BMPER: variants seen among roughly 807,000 people sequenced by gnomAD.
BMPER encodes the protein BMP binding endothelial regulator.
Under a neutral mutation model 87.3 loss-of-function variants are expected in BMPER, and 45 were observed. That is an observed-to-expected ratio of 0.52 (90% CI 0.41 to 0.66). BMPER has a LOEUF of 0.66. Among genes scored for constraint, BMPER ranks in the 30% least tolerant of loss-of-function variants. The pLI, the probability that BMPER is intolerant of heterozygous loss-of-function variation, is 0.00. For missense variants in BMPER, 784 were observed against 867.5 expected, an observed-to-expected ratio of 0.90 and a Z score of 1.21; for synonymous variants, 326 against 316.2, an observed-to-expected ratio of 1.03 and a Z score of -0.33.
intron 6 of BMPER, among the ~76,000 whole-genome samples, chr7:34,026,939 T>C (rs1314747849): frequency 6.6e-6 from 1 of 152,128 alleles, no homozygotes; most frequent in African/African-American, 2.4e-5. Context: ...TGGGTGGCTA[T>C]TGACTTCCTC....
At chr7:33,905,438 T>TC, upstream of BMPER, 1 of 23,004 alleles carries the variant, frequency 4.3e-5, no homozygotes, top group Non-Finnish European at 8.2e-5. Context: ...CCTTGGTCTC[T>TC]CCCCCCGCCC....
intron 14 of BMPER, among the ~76,000 whole-genome samples, chr7:34,146,278 G>C (rs1791016939): frequency 6.6e-6 from 1 of 152,110 alleles, no homozygotes; most frequent in Non-Finnish European, 1.5e-5. Flanking sequence ...ATCTTCCAGA[G>C]CAAAAAGTCT....
intron 6 of BMPER, among the ~76,000 whole-genome samples, chr7:33,980,654 G>A (rs894496078): frequency 4.6e-5 from 7 of 152,144 alleles, no homozygotes; most frequent in Non-Finnish European, 8.8e-5. Flanking sequence ...AATTGCTTAC[G>A]GGAGGGAGTA....
chr7:34,009,988 C>A (rs982893451), intron 6 of BMPER, among the ~76,000 whole-genome samples: 1 of 151,854 alleles, frequency 6.6e-6, no homozygotes, highest in African/African-American at 2.4e-5. Flanking sequence ...ATGTTTTTCC[C>A]AGCTTCCTCC....
chr7:33,995,940 G>T (rs1006632730), intron 6 of BMPER, among the ~76,000 whole-genome samples: 1 of 152,158 alleles, frequency 6.6e-6, no homozygotes, highest in Non-Finnish European at 1.5e-5. Context: ...ATTCCATTCA[G>T]CTCTGCTCCT....
At chr7:33,972,554 T>C (rs1785575861) in intron 5 of BMPER, among the ~76,000 whole-genome samples, 1 of 152,070 alleles carries the variant, frequency 6.6e-6, no homozygotes, top group African/African-American at 2.4e-5. Flanking sequence ...AAGAAGAAAC[T>C]AGGCCCACCA....
At chr7:33,969,524 T>C (rs1005923610) in intron 4 of BMPER, among the ~76,000 whole-genome samples, 1 of 152,160 alleles carries the variant, frequency 6.6e-6, no homozygotes, top group Admixed American at 6.5e-5. Flanking sequence ...CTCAGCCTCC[T>C]GAGTAGCTGG....
At chr7:33,914,974 C>T (rs1034046325) in intron 2 of BMPER, among the ~76,000 whole-genome samples, 2 of 152,186 alleles carry the variant, frequency 1.3e-5, no homozygotes, top group South Asian at 4.1e-4. Flanking sequence ...CCCTTCCCCC[C>T]AGACCCTGCG....
chr7:34,113,507 G>T (rs1790034844), intron 13 of BMPER, among the ~76,000 whole-genome samples: 1 of 147,654 alleles, frequency 6.8e-6, no homozygotes, highest in African/African-American at 2.5e-5. Flanking sequence ...AATCTATCTG[G>T]AATTTATTTT....
At chr7:33,972,207 A>G (rs906827164) in intron 5 of BMPER, among the ~76,000 whole-genome samples, 1 of 152,136 alleles carries the variant, frequency 6.6e-6, no homozygotes, top group East Asian at 1.9e-4. Flanking sequence ...CCGGCCGACT[A>G]TGGCTTTATT....
intron 6 of BMPER, among the ~76,000 whole-genome samples, chr7:34,012,975 C>T (rs1026913251): frequency 5.3e-5 from 8 of 151,978 alleles, no homozygotes; most frequent in African/African-American, 1.9e-4. Flanking sequence ...TCTTTTGTGC[C>T]ATTGTTTTGG....
chr7:34,040,818 TAA>T (rs1787813600), intron 6 of BMPER, among the ~76,000 whole-genome samples: 1 of 151,772 alleles, frequency 6.6e-6, no homozygotes, highest in African/African-American at 2.4e-5. Context: ...GTTTAAAATG[TAA>T]AAGAGGGAGA....
In BMPER at chr7:33,995,519, A is replaced by G. The variant is rs116865888; in HGVS notation, c.576+20735A>G. ...CTTATATTTCTATGCTTGTTGTACA[A>G]TCTTATATTCCTAAGCTCAGAAATG... On this transcript the variant is annotated intron_variant, in intron 6 of 14. Transcript: ENST00000649409. Among the ~76,000 whole-genome samples the G allele has an allele frequency of 4.1e-3, 623 of 152,280 alleles. 2 individuals are homozygous for G. The highest frequency in any genetic ancestry group is 6.4e-3 in the Non-Finnish European group (434 of 68,028).
chr7:33,986,917 C>T (rs1257483377), intron 6 of BMPER, among the ~76,000 whole-genome samples: 2 of 152,074 alleles, frequency 1.3e-5, no homozygotes, highest in African/African-American at 4.8e-5. Flanking sequence ...TTTCCCTGCT[C>T]CTTTGTTTGT....
intron 11 of BMPER, among the ~76,000 whole-genome samples, chr7:34,077,646 T>C (rs965826920): frequency 1.5e-4 from 23 of 152,242 alleles, no homozygotes; most frequent in African/African-American, 5.5e-4. Flanking sequence ...TCATATGAAA[T>C]TGACATATAA....
At chr7:33,971,733 A>C (rs904370745) in intron 5 of BMPER, among the ~76,000 whole-genome samples, 4 of 152,252 alleles carry the variant, frequency 2.6e-5, no homozygotes, top group African/African-American at 9.6e-5. Flanking sequence ...GACCAATTCC[A>C]TCAGAATCTC....
chr7:33,939,754 G>A (rs1784706965), intron 3 of BMPER, among the ~76,000 whole-genome samples: 1 of 152,140 alleles, frequency 6.6e-6, no homozygotes, highest in Non-Finnish European at 1.5e-5. Flanking sequence ...TGCCATGATT[G>A]TAACTTTCCT....
intron 6 of BMPER, among the ~76,000 whole-genome samples, chr7:34,009,460 C>T (rs1786821424): frequency 2.0e-5 from 3 of 151,876 alleles, no homozygotes; most frequent in Admixed American, 2.0e-4. Context: ...TAAGGACCAC[C>T]TTGGCAGTTG....
At chr7:33,943,877 C>G (rs948727699) in intron 3 of BMPER, among the ~76,000 whole-genome samples, 1 of 152,166 alleles carries the variant, frequency 6.6e-6, no homozygotes, top group African/African-American at 2.4e-5. Flanking sequence ...GTTCCTCCCC[C>G]TTTTGGTGGT....
Sources: gnomAD v4.1 joint callset for allele counts (sites outside exome capture counted in the v4.1 genomes callset) on GRCh38, gnomAD v4.1.1 for gene constraint, MANE v1.5 for transcripts, NCBI Gene and HGNC (gene_info 2026-07-23, HGNC 2026-07-21) for gene names.